SCHIP1: variants seen among roughly 807,000 people sequenced by gnomAD.
The protein encoded by SCHIP1 is schwannomin-interacting protein 1.
SCHIP1 carries 8 observed loss-of-function variants against 29.7 expected under a neutral mutation model. The ratio of observed to expected loss-of-function variants is 0.27; its 90% CI spans 0.16 to 0.49. The LOEUF (loss-of-function observed/expected upper bound fraction) is 0.49. SCHIP1 is among the 20% of genes least tolerant of loss of function. The pLI, the probability that SCHIP1 is intolerant of heterozygous loss-of-function variation, is 0.99. For synonymous variants in SCHIP1, 76 were observed against 94.9 expected, an observed-to-expected ratio of 0.80 and a Z score of 1.16; for missense variants, 193 against 294.6, an observed-to-expected ratio of 0.66 and a Z score of 2.52.
chr3:159,283,478 G>A, the SCHIP1 span, among the ~76,000 whole-genome samples: 3 of 151,380 alleles, frequency 2.0e-5, no homozygotes, highest in Non-Finnish European at 4.4e-5. Context: ...TACTTACTAT[G>A]ATTGTTCCTA....
chr3:159,458,464 G>C, the SCHIP1 span, among the ~76,000 whole-genome samples: 1 of 152,164 alleles, frequency 6.6e-6, no homozygotes, highest in Non-Finnish European at 1.5e-5. Flanking sequence ...TTCTTCTTTG[G>C]CTCCTGGAAA....
chr3:159,429,317 G>A, the SCHIP1 span, among the ~76,000 whole-genome samples: 1 of 151,484 alleles, frequency 6.6e-6, no homozygotes, highest in Non-Finnish European at 1.5e-5. Context: ...TTTTCATAGG[G>A]TCCCCTACTT....
chr3:159,555,103 T>A, the SCHIP1 span, among the ~76,000 whole-genome samples: 1 of 152,198 alleles, frequency 6.6e-6, no homozygotes, highest in African/African-American at 2.4e-5. Context: ...TTGCTTTAAG[T>A]CAAAAGCTCA....
chr3:159,735,389 C>G, the SCHIP1 span, among the ~76,000 whole-genome samples: 1 of 152,044 alleles, frequency 6.6e-6, no homozygotes, highest in African/African-American at 2.4e-5. Context: ...GTCATCATGC[C>G]TGGCTAATTT....
the SCHIP1 span, among the ~76,000 whole-genome samples, chr3:159,332,887 G>GT: frequency 2.6e-5 from 4 of 152,170 alleles, no homozygotes; most frequent in African/African-American, 4.8e-5. Context: ...ATGTTTCTGG[G>GT]TTTTTACTGC....
chr3:159,649,745 G>A, the SCHIP1 span, among the ~76,000 whole-genome samples: 1 of 152,212 alleles, frequency 6.6e-6, no homozygotes, highest in Non-Finnish European at 1.5e-5. Context: ...TTGGGTTGAA[G>A]TGCCTTTCAG....
the SCHIP1 span, among the ~76,000 whole-genome samples, chr3:159,544,576 A>T: frequency 2.6e-5 from 4 of 152,026 alleles, no homozygotes; most frequent in Non-Finnish European, 4.4e-5. Flanking sequence ...ATAATATCTC[A>T]TCCATTTATT....
At chr3:159,461,531 C>A in the SCHIP1 span, among the ~76,000 whole-genome samples, 1 of 151,730 alleles carries the variant, frequency 6.6e-6, no homozygotes, top group African/African-American at 2.4e-5. Context: ...TATATAAACA[C>A]AAATATACAG....
At chr3:159,631,701 G>A in the SCHIP1 span, among the ~76,000 whole-genome samples, 1 of 152,154 alleles carries the variant, frequency 6.6e-6, no homozygotes, top group East Asian at 1.9e-4. Flanking sequence ...TCGCTTAATA[G>A]TTACAGAATT....
intron 1 of SCHIP1, among the ~76,000 whole-genome samples, chr3:159,850,036 G>C (rs77494935): frequency 3.1e-3 from 465 of 152,314 alleles, no homozygotes; most frequent in African/African-American, 0.01. Flanking sequence ...AGAAGCAACA[G>C]TGGTGCTAAA....
intron 1 of SCHIP1, among the ~76,000 whole-genome samples, chr3:159,844,640 A>G (rs1348293010): frequency 1.3e-5 from 2 of 152,238 alleles, no homozygotes; most frequent in African/African-American, 4.8e-5. Context: ...ACATTTTTCT[A>G]AATGGTTTTT....
chr3:159,513,536 A>G, the SCHIP1 span, among the ~76,000 whole-genome samples: 3 of 152,152 alleles, frequency 2.0e-5, no homozygotes, highest in African/African-American at 7.2e-5. Flanking sequence ...GTCTTTCCTG[A>G]GCCAACTTAA....
the SCHIP1 span, among the ~76,000 whole-genome samples, chr3:159,511,879 A>C: frequency 2.6e-5 from 4 of 152,370 alleles, no homozygotes; most frequent in South Asian, 6.2e-4. Flanking sequence ...ATGAAAAACA[A>C]AACTTTAAAT....
chr3:159,361,645 ATGCAGATGCAGGGAATCAAC>A, the SCHIP1 span, among the ~76,000 whole-genome samples: 1 of 152,210 alleles, frequency 6.6e-6, no homozygotes, highest in African/African-American at 2.4e-5. Context: ...GTAGGGGGCA[ATGCAGATGCAGGGAATCAAC>A]TGCAGTAATC....
chr3:159,285,307 A>G, the SCHIP1 span, among the ~76,000 whole-genome samples: 1 of 152,112 alleles, frequency 6.6e-6, no homozygotes, highest in Non-Finnish European at 1.5e-5. Flanking sequence ...TCCGTGATAG[A>G]TAACAGGGAT....
At chr3:159,358,555 G>A in the SCHIP1 span, among the ~76,000 whole-genome samples, 1 of 152,160 alleles carries the variant, frequency 6.6e-6, no homozygotes, top group Non-Finnish European at 1.5e-5. Flanking sequence ...GAAAGCCAAG[G>A]CCTTAACACA....
chr3:159,527,405 G>A, the SCHIP1 span, among the ~76,000 whole-genome samples: 2 of 152,146 alleles, frequency 1.3e-5, no homozygotes, highest in Admixed American at 6.5e-5. Flanking sequence ...CCAGAGCTAA[G>A]AGGGACCACT....
the SCHIP1 span, among the ~76,000 whole-genome samples, chr3:159,792,737 A>G: frequency 2.0e-5 from 3 of 152,248 alleles, no homozygotes; most frequent in Non-Finnish European, 4.4e-5. Context: ...TAAAAATTCA[A>G]ATGCTTTAAC....
chr3:159,879,941 G>A (rs1304786634), intron 2 of SCHIP1, among the ~76,000 whole-genome samples: 2 of 152,162 alleles, frequency 1.3e-5, no homozygotes, highest in African/African-American at 2.4e-5. Flanking sequence ...CAGAATGGCC[G>A]GTGTGCTTAC....
Sources: allele counts gnomAD v4.1 joint callset (sites outside exome capture counted in the v4.1 genomes callset), GRCh38; gene constraint gnomAD v4.1.1; transcripts MANE v1.5; gene names NCBI Gene and HGNC (gene_info 2026-07-23, HGNC 2026-07-21).